SUGCT: variants seen among roughly 807,000 people sequenced by gnomAD.
The protein encoded by SUGCT is succinyl-CoA:glutarate CoA-transferase.
Under a neutral mutation model 55.0 loss-of-function variants are expected in SUGCT, and 41 were observed. That is an observed-to-expected ratio of 0.74 (90% CI 0.58 to 0.97). The LOEUF (loss-of-function observed/expected upper bound fraction) is 0.97. Among genes scored for constraint, SUGCT ranks in the 50% least tolerant of loss-of-function variants. The pLI is 0.00. For missense variants in SUGCT, 568 were observed against 547.8 expected (o/e 1.04, Z -0.37); for synonymous variants, 187 against 200.4 (o/e 0.93, Z 0.56).
rs191475041 is a variant in SUGCT, at chr7:40,736,827, T to A, written c.1090-12607T>A. ...TTTGGGGAAAATAAAACCAACTTACTAGGAGAACTTACTATGAACAGATGA... is the reference window on the plus strand; with the variant it reads ...TTTGGGGAAAATAAAACCAACTTACAAGGAGAACTTACTATGAACAGATGA... On this transcript the variant is annotated intron_variant, in intron 12 of 13. Coordinates refer to ENST00000335693, the MANE Select transcript of SUGCT (RefSeq NM_001193313.2). 1.4e-3 allele frequency among the ~76,000 whole-genome samples: 216 copies of A among 152,132 alleles called. 1 individual carries two copies. Among genetic ancestry groups the A allele is most frequent in the African/African-American group, 5.1e-3 (210 of 41,532 alleles).
chr7:40,788,155 C>A (rs1168851265), intron 13 of SUGCT, among the ~76,000 whole-genome samples: 1 of 152,162 alleles, frequency 6.6e-6, no homozygotes, highest in African/African-American at 2.4e-5. Context: ...AGGAGTCATT[C>A]TCCCTGCAGC....
At chr7:40,577,277 C>G (rs578231750) in intron 12 of SUGCT, among the ~76,000 whole-genome samples, 1 of 152,020 alleles carries the variant, frequency 6.6e-6, no homozygotes, top group Non-Finnish European at 1.5e-5. Flanking sequence ...AAAACTCATG[C>G]ATGTCTACTC....
chr7:40,471,997 A>T lies in SUGCT; in HGVS notation c.986+12799A>T, dbSNP rs566686476. Among the ~76,000 whole-genome samples, 65 of 152,246 alleles carry T rather than the reference A, an allele frequency of 4.3e-4. 1 individual carries two copies. Among genetic ancestry groups the T allele is most frequent in the Non-Finnish European group, 8.7e-4 (59 of 67,938 alleles). The stretch of plus-strand genomic sequence containing the variant: ...TAAATATAACCAAATAAAATGGCTG[A>T]AACATGTTTTTCTCTTTTTAATCAT... On this transcript the variant is annotated intron_variant, in intron 11 of 13. Transcript: ENST00000335693.
Position 40,787,660 on chromosome 7 carries a change from CAAAAAAAAAAAAA to C in SUGCT, c.1153+38175_1153+38187del, listed in dbSNP as rs55764379. On this transcript the variant is annotated intron_variant, in intron 13 of 13. Coordinates refer to ENST00000335693, the MANE Select transcript of SUGCT (RefSeq NM_001193313.2). ...AAACTGGTAACCAAGAAATTTTGAC[CAAAAAAAAAAAAA>C]AAAAAAAAAAAGCCTCAAGAAATGC... Among the ~76,000 whole-genome samples the C allele has an allele frequency of 8.3e-5, 4 of 48,416 alleles. No individual in the cohort carries two copies. The Admixed American group carries it at 9.8e-4, about 12-fold the overall frequency. The allele number at this position is 48,416 out of a possible 152,430, so 31.8% of individuals were successfully genotyped here.
chr7:40,225,175 A>G (rs1584389830), intron 6 of SUGCT, among the ~76,000 whole-genome samples: 4 of 152,348 alleles, frequency 2.6e-5, no homozygotes, highest in Admixed American at 2.6e-4. Context: ...ATAAAGACAG[A>G]TACCAGTGTA....
chr7:40,771,671 G>A (rs918823130), intron 13 of SUGCT, among the ~76,000 whole-genome samples: 3 of 152,046 alleles, frequency 2.0e-5, no homozygotes, highest in African/African-American at 4.8e-5. Context: ...TATTTTGATT[G>A]TTAACAGATA....
chr7:40,770,949 C>T (rs1413737054), intron 13 of SUGCT, among the ~76,000 whole-genome samples: 1 of 152,080 alleles, frequency 6.6e-6, no homozygotes, highest in Non-Finnish European at 1.5e-5. Context: ...TATGGCCTAG[C>T]ACAGTAGCTA....
At chr7:41,020,866 C>A in the SUGCT span, among the ~76,000 whole-genome samples, 23 of 152,188 alleles carry the variant, frequency 1.5e-4, no homozygotes, top group East Asian at 7.7e-4. Context: ...AAGAATGAAC[C>A]CCTGGACAGA....
At chr7:40,571,423 G>A (rs1021755183) in intron 12 of SUGCT, among the ~76,000 whole-genome samples, 12 of 152,058 alleles carry the variant, frequency 7.9e-5, no homozygotes, top group African/African-American at 2.9e-4. Context: ...TTAATTTTGA[G>A]TTCCATGTCT....
chr7:41,002,048 TCTTG>T, the SUGCT span, among the ~76,000 whole-genome samples: 1 of 152,220 alleles, frequency 6.6e-6, no homozygotes, highest in African/African-American at 2.4e-5. Context: ...ATTTTGAGAG[TCTTG>T]CTTTGTTGCC....
chr7:40,718,734 A>C (rs1422811784), intron 12 of SUGCT, among the ~76,000 whole-genome samples: 1 of 152,154 alleles, frequency 6.6e-6, no homozygotes, highest in South Asian at 2.1e-4. Flanking sequence ...TTTTCAGAAA[A>C]AGCACTTTTA....
At chr7:40,518,995 C>T (rs1793391371) in intron 12 of SUGCT, among the ~76,000 whole-genome samples, 1 of 152,032 alleles carries the variant, frequency 6.6e-6, no homozygotes, top group Non-Finnish European at 1.5e-5. Context: ...AACAAATGCA[C>T]CTTAACTCTG....
chr7:40,821,853 T>C (rs1792037296), intron 13 of SUGCT, among the ~76,000 whole-genome samples: 1 of 152,196 alleles, frequency 6.6e-6, no homozygotes, highest in East Asian at 1.9e-4. Flanking sequence ...TTTGATGTGA[T>C]GTTAGGGTGT....
At chr7:40,363,025 C>T (rs958161810) in intron 9 of SUGCT, among the ~76,000 whole-genome samples, 1 of 152,156 alleles carries the variant, frequency 6.6e-6, no homozygotes, top group Non-Finnish European at 1.5e-5. Flanking sequence ...TCAACTTCTT[C>T]CTGGTTTAGA....
intron 7 of SUGCT, among the ~76,000 whole-genome samples, chr7:40,268,526 C>A (rs929908906): frequency 1.2e-4 from 19 of 152,174 alleles, no homozygotes; most frequent in African/African-American, 4.6e-4. Flanking sequence ...CTAGTCCCCA[C>A]GTTATCTGTT....
chr7:40,192,006 G>A (rs931232683), intron 5 of SUGCT, among the ~76,000 whole-genome samples: 6 of 151,108 alleles, frequency 4.0e-5, no homozygotes, highest in Non-Finnish European at 5.9e-5. Flanking sequence ...TACTTGGGAG[G>A]CTGAGGCAGG....
At chr7:40,946,865 G>T in the SUGCT span, among the ~76,000 whole-genome samples, 2 of 152,076 alleles carry the variant, frequency 1.3e-5, no homozygotes, top group Non-Finnish European at 2.9e-5. Flanking sequence ...TTCACGACTT[G>T]CTTCTGTCTT....
intron 7 of SUGCT, among the ~76,000 whole-genome samples, chr7:40,239,502 G>A (rs944501166): frequency 1.3e-5 from 2 of 152,148 alleles, no homozygotes; most frequent in African/African-American, 4.8e-5. Flanking sequence ...ATTGTGAATG[G>A]TTTTATTTAA....
chr7:40,775,653 T>TA (rs1375267974), intron 13 of SUGCT: 2 of 152,242 alleles, frequency 1.3e-5, no homozygotes, highest in African/African-American at 4.8e-5. Context: ...GGACATACCT[T>TA]ATGCCTTTTA....
Sources: gnomAD v4.1 joint callset for allele counts (sites outside exome capture counted in the v4.1 genomes callset) on GRCh38, gnomAD v4.1.1 for gene constraint, MANE v1.5 for transcripts, NCBI Gene and HGNC (gene_info 2026-07-23, HGNC 2026-07-21) for gene names.